The following SP140L variants were observed in gnomAD, a reference collection of about 807,000 sequenced individuals.
The protein encoded by SP140L is SP140 like nuclear body protein.
Under a neutral mutation model 84.3 loss-of-function variants are expected in SP140L, and 64 were observed. The observed-to-expected ratio is 0.76, with a 90% CI of 0.62 to 0.94. SP140L has a LOEUF of 0.94. SP140L is among the 40% of genes least tolerant of loss of function. The pLI, the probability that SP140L is intolerant of heterozygous loss-of-function variation, is 0.00. For synonymous variants in SP140L, 242 were observed against 236.9 expected (o/e 1.02, Z -0.20); for missense variants, 628 against 692.5 (o/e 0.91, Z 1.05).
intron 3 of SP140L, among the ~76,000 whole-genome samples, chr2:230,358,731 A>G (rs1392910329): frequency 8.5e-5 from 13 of 152,322 alleles, no homozygotes; most frequent in African/African-American, 2.9e-4. Flanking sequence ...GCTCCTTTTT[A>G]CATCTAATGT....
rs777567111 is a variant in SP140L at position 230,371,247 on chromosome 2, T to C, written c.583+280T>C. On this transcript the variant is annotated intron_variant, in intron 6 of 18. Coordinates refer to ENST00000415673, the MANE Select transcript of SP140L (RefSeq NM_138402.6). ...TTAATATGTTAAGTCACACTCAATA[T>C]TCCATGGAACCCAAGATAACCCAGT... Among the ~76,000 whole-genome samples the C allele has an allele frequency of 6.6e-5, 10 of 152,368 alleles. No individual in the cohort carries two copies. The South Asian group carries it at 8.3e-4, about 13-fold the overall frequency.
chr2:230,364,672 C>T (rs2060815554), intron 5 of SP140L, among the ~76,000 whole-genome samples: 1 of 152,026 alleles, frequency 6.6e-6, no homozygotes, highest in South Asian at 2.1e-4. Context: ...ACTTGCAGTA[C>T]TGTGTTGACT....
intron 13 of SP140L, 87 bp downstream of exon 13, chr2:230,393,548 G>T: frequency 7.1e-7 from 1 of 1,401,438 alleles, no homozygotes. Flanking sequence ...CTCCAATTGG[G>T]TAACTATAAT....
chr2:230,341,488 A>C (rs1460915083), intron 2 of SP140L, among the ~76,000 whole-genome samples: 11 of 148,302 alleles, frequency 7.4e-5, no homozygotes, highest in Non-Finnish European at 1.6e-4. Flanking sequence ...TTCTTCTCTC[A>C]GCTCGTCAAA....
chr2:230,337,976 G>A (rs1267260116), intron 2 of SP140L, among the ~76,000 whole-genome samples: 47 of 150,310 alleles, frequency 3.1e-4, no homozygotes, highest in Non-Finnish European at 5.8e-4. Context: ...TTGGCAATGC[G>A]GGCTCTTTTT....
chr2:230,383,429 C>A (rs560676576), intron 7 of SP140L, 81 bp from the exon 8 acceptor site: 1 of 1,425,988 alleles, frequency 7.0e-7, no homozygotes, highest in Admixed American at 2.4e-5. Context: ...ATGAAAAAAT[C>A]TTGTATACTA....
intron 5 of SP140L, among the ~76,000 whole-genome samples, chr2:230,369,292 G>A (rs1238213797): frequency 6.6e-6 from 1 of 152,126 alleles, no homozygotes; most frequent in African/African-American, 2.4e-5. Flanking sequence ...TGAGCCTGAA[G>A]ACCAGTGCAT....
chr2:230,393,456 A>G lies in SP140L; in HGVS notation c.1150A>G (p.Lys384Glu). The G allele has an allele frequency of 6.3e-7, 1 of 1,575,252 alleles. No individual in the cohort carries two copies. Among genetic ancestry groups the G allele is most frequent in the Non-Finnish European group, 8.6e-7 (1 of 1,162,894 alleles). The change falls in exon 13 of 19, where the codon AAA (lysine) becomes GAA (glutamate). Residue 384 changes from lysine (K) to glutamate (E), a missense_variant. This residue lies in a region of SP140L where 525 missense variants were observed against 518.4 expected (regional missense o/e 1.01). Coordinates refer to ENST00000415673, the MANE Select transcript of SP140L (RefSeq NM_138402.6). ...TCCTCCAAGAATATATTACAGGAAC[A>G]AAAAGGTGATTATTACATAATTTTC... ...PNPPRIYYRN[K>E]KRILKSQNNS...
In SP140L at chr2:230,385,186, C is replaced by G. The variant is rs749202834; in HGVS notation, c.704-38C>G. 2.5e-6 allele frequency: 4 copies of G among 1,605,978 alleles called. No individual in the cohort carries two copies. In the South Asian group the frequency reaches 3.3e-5, roughly 13 times the overall value. ...TCCAGCCTGTGAGCTGTTGTTCTGC[C>G]CAGTTCTATTAATACATTTTCCCTT... On this transcript the variant is annotated intron_variant, in intron 8 of 18. Coordinates refer to ENST00000415673, the MANE Select transcript of SP140L (RefSeq NM_138402.6).
intron 4 of SP140L, among the ~76,000 whole-genome samples, chr2:230,360,888 C>T (rs949993880): frequency 2.6e-4 from 40 of 152,162 alleles, no homozygotes; most frequent in African/African-American, 8.2e-4. Context: ...ATTAAGCCAA[C>T]GTTCTCCTGT....
chr2:230,339,566 T>C (rs1034725492), intron 2 of SP140L, among the ~76,000 whole-genome samples: 1 of 150,484 alleles, frequency 6.6e-6, no homozygotes, highest in African/African-American at 2.4e-5. Flanking sequence ...CTTGCTTTTC[T>C]AGTTCTTTCA....
intron 9 of SP140L, among the ~76,000 whole-genome samples, chr2:230,388,007 G>A (rs1409616807): frequency 2.0e-5 from 3 of 152,132 alleles, no homozygotes; most frequent in South Asian, 2.1e-4. Flanking sequence ...CACCTATGGA[G>A]CACCTAATAG....
chr2:230,342,421 C>T (rs1483951181), intron 2 of SP140L, among the ~76,000 whole-genome samples: 2 of 152,220 alleles, frequency 1.3e-5, no homozygotes, highest in Non-Finnish European at 2.9e-5. Context: ...GAACCCAGTA[C>T]CTCAGATGGA....
At chr2:230,367,452 A>C (rs10207975) in intron 5 of SP140L, among the ~76,000 whole-genome samples, 40,676 of 151,478 alleles carry the variant, frequency 0.27, 7,702 homozygotes, top group East Asian at 0.6. Flanking sequence ...GCCACCACAC[A>C]TGGCTAATTT....
At chr2:230,375,981 C>A (rs565667512) in intron 7 of SP140L, among the ~76,000 whole-genome samples, 1 of 152,088 alleles carries the variant, frequency 6.6e-6, no homozygotes, top group Admixed American at 6.5e-5. Flanking sequence ...AAGATAATTG[C>A]CCAGACCAAA....
At chr2:230,374,686 A>T (rs185438943) in intron 7 of SP140L, among the ~76,000 whole-genome samples, 16 of 152,336 alleles carry the variant, frequency 1.1e-4, no homozygotes, top group Admixed American at 7.8e-4. Context: ...ATCAGTCAGC[A>T]GCCATCCACA....
At chr2:230,352,402 G>A (rs759444169) in intron 2 of SP140L, among the ~76,000 whole-genome samples, 5 of 152,128 alleles carry the variant, frequency 3.3e-5, no homozygotes, top group African/African-American at 4.8e-5. Context: ...GAGGGTGAAG[G>A]GAAGCAGGCA....
At chr2:230,400,063 C>G (rs2062241310) in intron 14 of SP140L, 64 bp from the exon 15 acceptor site, 2 of 1,572,202 alleles carry the variant, frequency 1.3e-6, no homozygotes, top group Admixed American at 1.7e-5. Context: ...TTCTAGATGC[C>G]CAGAGGGGTG....
At chr2:230,359,259 A>G in intron 4 of SP140L, 127 bp downstream of exon 4, 2 of 804,984 alleles carry the variant, frequency 2.5e-6, no homozygotes, top group South Asian at 3.5e-5. Context: ...AACAAAATAG[A>G]CGTGTCATGA....
Sources: gnomAD v4.1 joint callset for allele counts (sites outside exome capture counted in the v4.1 genomes callset) on GRCh38, gnomAD v4.1.1 for gene constraint, gnomAD v4.1.1 regional missense constraint, MANE v1.5 for transcripts, NCBI Gene and HGNC (gene_info 2026-07-23, HGNC 2026-07-21) for gene names.